Variants in STAG1 observed in about 807,000 individuals in gnomAD.
STAG1 encodes cohesin subunit SA-1.
In STAG1, 26 loss-of-function variants were observed where a neutral mutation model predicts 170.9. That is an observed-to-expected ratio of 0.15 (90% confidence interval 0.11 to 0.21). The LOEUF is 0.21. STAG1 is among the 10% of genes least tolerant of loss of function. The probability of loss-of-function intolerance (pLI) is 1.00; values close to 1 mark genes in which losing one functional copy is unlikely to be tolerated. For missense variants in STAG1, 964 were observed against 1,509.5 expected (o/e 0.64, Z 5.99); for synonymous variants, 514 against 497.7 (o/e 1.03, Z -0.44).
chr3:136,441,926 G>A (rs1055778244), intron 15 of STAG1, among the ~76,000 whole-genome samples: 2 of 152,106 alleles, frequency 1.3e-5, no homozygotes, highest in Non-Finnish European at 2.9e-5. Flanking sequence ...GGCCAGATGC[G>A]GTGGCTCACG....
intron 1 of STAG1, among the ~76,000 whole-genome samples, chr3:136,734,278 A>G (rs1045512085): frequency 1.7e-4 from 26 of 152,166 alleles, no homozygotes; most frequent in African/African-American, 5.8e-4. Flanking sequence ...AAGCTTCATG[A>G]TAAAAGAGAG....
intron 4 of STAG1, chr3:136,591,386 G>A (rs1938170116): frequency 1.3e-5 from 2 of 158,360 alleles, no homozygotes; most frequent in South Asian, 3.0e-4. Flanking sequence ...AGGGAAGGAA[G>A]GAAATTGTTT....
At chr3:136,388,869 G>A (rs1220556992) in intron 22 of STAG1, among the ~76,000 whole-genome samples, 1 of 152,174 alleles carries the variant, frequency 6.6e-6, no homozygotes, top group African/African-American at 2.4e-5. Context: ...GACAGGAAAG[G>A]AAACTTCTTT....
intron 13 of STAG1, 53 bp from the exon 14 acceptor site, chr3:136,452,200 T>C: frequency 9.3e-7 from 1 of 1,069,844 alleles, no homozygotes; most frequent in Non-Finnish European, 1.4e-6. Context: ...AACTTTAGTC[T>C]TCCCTCAACA....
chr3:136,386,617 A>G (rs912918012), intron 22 of STAG1, among the ~76,000 whole-genome samples: 2 of 152,160 alleles, frequency 1.3e-5, no homozygotes, highest in African/African-American at 2.4e-5. Flanking sequence ...AAGTATATAG[A>G]TTTTAAATGT....
chr3:136,462,031 T>C (rs1216338114), intron 13 of STAG1, among the ~76,000 whole-genome samples: 2 of 151,906 alleles, frequency 1.3e-5, no homozygotes, highest in African/African-American at 2.4e-5. Flanking sequence ...GCTATTATCA[T>C]AAAGACAAAA....
intron 14 of STAG1, among the ~76,000 whole-genome samples, chr3:136,450,297 C>A (rs1156676551): frequency 6.6e-6 from 1 of 152,008 alleles, no homozygotes; most frequent in Non-Finnish European, 1.5e-5. Context: ...AATCTCAGGC[C>A]CCATTCTAGA....
At chr3:136,460,216 A>G (rs1320499023) in intron 13 of STAG1, among the ~76,000 whole-genome samples, 4 of 152,254 alleles carry the variant, frequency 2.6e-5, no homozygotes, top group Non-Finnish European at 5.9e-5. Flanking sequence ...AGTAAAAACT[A>G]TTATACACAT....
At chr3:136,470,114 C>G (rs1288069032) in intron 12 of STAG1, among the ~76,000 whole-genome samples, 1 of 152,186 alleles carries the variant, frequency 6.6e-6, no homozygotes, top group Admixed American at 6.5e-5. Flanking sequence ...GAAATGGCAA[C>G]AAAAGCCAAA....
chr3:136,694,671 A>C (rs1209929961), intron 1 of STAG1, among the ~76,000 whole-genome samples: 1 of 152,132 alleles, frequency 6.6e-6, no homozygotes, highest in East Asian at 1.9e-4. Context: ...TGTAATGTTA[A>C]ATTAGTCAGC....
At chr3:136,575,545 T>G (rs1275840936) in intron 4 of STAG1, among the ~76,000 whole-genome samples, 1 of 151,464 alleles carries the variant, frequency 6.6e-6, no homozygotes, top group Non-Finnish European at 1.5e-5. Context: ...ATCTGGAGGA[T>G]AAGGAAAAGT....
chr3:136,723,489 CG>C (rs1392182902), intron 1 of STAG1, among the ~76,000 whole-genome samples: 1 of 146,644 alleles, frequency 6.8e-6, no homozygotes, highest in Non-Finnish European at 1.5e-5. Flanking sequence ...GGAGCCCCTC[CG>C]CCCGGCAGCC....
intron 1 of STAG1, among the ~76,000 whole-genome samples, chr3:136,694,237 G>A (rs1168662335): frequency 6.6e-6 from 1 of 152,186 alleles, no homozygotes. Context: ...AGCTGAGGAA[G>A]TGGAGACAGG....
intron 21 of STAG1, among the ~76,000 whole-genome samples, chr3:136,416,844 C>CTT (rs66573534): frequency 2.5e-4 from 32 of 127,188 alleles, no homozygotes; most frequent in East Asian, 4.2e-4. Context: ...TCATAATTAA[C>CTT]TTTTTTTTTT....
chr3:136,352,402 G>A (rs1576380250), intron 28 of STAG1, among the ~76,000 whole-genome samples: 2 of 151,998 alleles, frequency 1.3e-5, no homozygotes, highest in African/African-American at 2.4e-5. Context: ...TCAAGTGATC[G>A]GTCCGCCTTG....
In STAG1 at chr3:136,356,206, T is replaced by G. The variant is rs1263438809; in HGVS notation, c.3065+1514A>C. Among the ~76,000 whole-genome samples the G allele has an allele frequency of 2.6e-5, 4 of 152,132 alleles. No homozygotes were observed. In the East Asian group the frequency reaches 7.7e-4, roughly 29 times the overall value. ...AGCCTGGCCATCTGCCTGTTTATGC[T>G]GTGCCCCCTGGCATTAGAGCATAAG... On this transcript the variant is annotated intron_variant, in intron 28 of 33. Coordinates refer to ENST00000383202, the MANE Select transcript of STAG1 (RefSeq NM_005862.3).
chr3:136,699,610 C>T (rs979629247), intron 1 of STAG1, among the ~76,000 whole-genome samples: 2 of 151,164 alleles, frequency 1.3e-5, no homozygotes, highest in Non-Finnish European at 2.9e-5. Flanking sequence ...CAGGGTGAGA[C>T]ATGTCTTTCA....
At position 136,589,316 on chromosome 3, in the gene STAG1, TG is replaced by T. The variant is rs78863462; in HGVS notation, c.297+14992del. Among the ~76,000 whole-genome samples, 598 of 151,850 alleles carry T rather than the reference TG, an allele frequency of 3.9e-3. 13 individuals carry two copies. In the East Asian group the frequency reaches 0.058, roughly 15 times the overall value. On this transcript the variant is annotated intron_variant, in intron 4 of 33. Coordinates refer to ENST00000383202, the MANE Select transcript of STAG1 (RefSeq NM_005862.3). Reference sequence around the variant, plus strand: ...GAGTTCGAGACCAGCCTGACCAACATGGTGAAACCCAGTCTCTACTAAAAAC... The same window carrying T: ...GAGTTCGAGACCAGCCTGACCAACATGTGAAACCCAGTCTCTACTAAAAAC...
intron 1 of STAG1, among the ~76,000 whole-genome samples, chr3:136,714,916 A>G (rs1943478272): frequency 8.1e-6 from 1 of 123,974 alleles, no homozygotes; most frequent in Non-Finnish European, 1.6e-5. Flanking sequence ...TCAAAAAAAA[A>G]AAAAAACAAA....
Sources: allele counts gnomAD v4.1 joint callset (sites outside exome capture counted in the v4.1 genomes callset), GRCh38; gene constraint gnomAD v4.1.1; transcripts MANE v1.5; gene names NCBI Gene and HGNC (gene_info 2026-07-23, HGNC 2026-07-21).